Variants in ESR2 observed in about 807,000 individuals in gnomAD.
ESR2 encodes the protein estrogen receptor beta.
ESR2 carries 36 observed loss-of-function variants against 49.6 expected under a neutral mutation model. The observed-to-expected ratio is 0.73, with a 90% CI of 0.56 to 0.96. ESR2 has a LOEUF of 0.96. ESR2 is among the 40% of genes least tolerant of loss of function. The pLI is 0.00. For synonymous variants in ESR2, 320 were observed against 266.1 expected (o/e 1.20, Z -1.97); for missense variants, 714 against 693.0 (o/e 1.03, Z -0.34).
chr14:64,255,764 A>G (rs2076084990), intron 6 of ESR2, among the ~76,000 whole-genome samples: 2 of 152,218 alleles, frequency 1.3e-5, no homozygotes, highest in Admixed American at 1.3e-4. Flanking sequence ...TAGGTTAACT[A>G]TTTTGTTTGT....
chr14:64,227,009 C>T (rs567510489), downstream of ESR2: 2 of 153,742 alleles, frequency 1.3e-5, no homozygotes, highest in South Asian at 2.0e-4. Context: ...CTCTCCATGG[C>T]AAATGAACAG....
intron 1 of ESR2, among the ~76,000 whole-genome samples, chr14:64,317,930 T>G (rs188420618): frequency 2.2e-4 from 33 of 152,320 alleles, no homozygotes; most frequent in Admixed American, 5.9e-4. Flanking sequence ...ATGCTTTCCC[T>G]CTAAGATTGA....
chr14:64,324,443 T>A (rs1458980691), intron 1 of ESR2, among the ~76,000 whole-genome samples: 3 of 152,204 alleles, frequency 2.0e-5, no homozygotes, highest in East Asian at 3.8e-4. Context: ...GTTAAAGTTA[T>A]TAATATTAGA....
chr14:64,273,382 A>G (rs2076488511), intron 3 of ESR2, among the ~76,000 whole-genome samples: 1 of 152,088 alleles, frequency 6.6e-6, no homozygotes, highest in Non-Finnish European at 1.5e-5. Flanking sequence ...CATCCTCGTC[A>G]TGTTCCATAT....
chr14:64,296,435 A>T (rs984752423), upstream of ESR2, among the ~76,000 whole-genome samples: 4 of 152,236 alleles, frequency 2.6e-5, no homozygotes, highest in African/African-American at 4.8e-5. Context: ...TTCTTATTTT[A>T]TACGCAAGCC....
At chr14:64,243,092 G>A (rs1455463399) in intron 7 of ESR2, among the ~76,000 whole-genome samples, 3 of 152,184 alleles carry the variant, frequency 2.0e-5, no homozygotes, top group East Asian at 3.9e-4. Flanking sequence ...TGGGAATTAT[G>A]GGCACTACAA....
chr14:64,242,776 G>A (rs189899477), intron 7 of ESR2, among the ~76,000 whole-genome samples: 119 of 152,282 alleles, frequency 7.8e-4, no homozygotes, highest in Non-Finnish European at 1.5e-3. Flanking sequence ...GTAAGAGTAT[G>A]TGTAAACTTG....
chr14:64,305,977 G>A (rs557492312), intron 1 of ESR2, among the ~76,000 whole-genome samples: 6 of 152,002 alleles, frequency 3.9e-5, no homozygotes, highest in South Asian at 4.2e-4. Context: ...TTGGGAGGCC[G>A]AGGCAGGCGG....
chr14:64,286,763 G>A (rs2076790758), intron 1 of ESR2, among the ~76,000 whole-genome samples: 1 of 151,954 alleles, frequency 6.6e-6, no homozygotes, highest in South Asian at 2.1e-4. Context: ...ACCCAGGCTG[G>A]AGAGTGCAGT....
intron 1 of ESR2, chr14:64,330,949 A>G (rs2140906617): frequency 6.6e-6 from 1 of 151,760 alleles, no homozygotes; most frequent in East Asian, 1.9e-4. Context: ...AAAATCAACA[A>G]TAACAAAAAA....
intron 6 of ESR2, among the ~76,000 whole-genome samples, chr14:64,256,225 G>C (rs1369317733): frequency 1.3e-5 from 2 of 152,136 alleles, no homozygotes; most frequent in Non-Finnish European, 2.9e-5. Context: ...TAAAAAGCTT[G>C]AGTATTTTTA....
intron 1 of ESR2, among the ~76,000 whole-genome samples, chr14:64,316,960 C>A (rs1255538243): frequency 6.6e-6 from 1 of 152,038 alleles, no homozygotes. Context: ...GCCATTCTTT[C>A]ATTGCTATAA....
rs1387737634 is a variant in ESR2 at position 64,228,451 on chromosome 14, TCA to T, written c.*4684_*4685del. ...GGAAAGCAGGTCTCAAAATCTGCTT[TCA>T]CAGAGCAGCAAACATTCATTTCTAC... On this transcript the variant is annotated 3_prime_UTR_variant, in exon 9 of 9. Coordinates refer to ENST00000341099, the MANE Select transcript of ESR2 (RefSeq NM_001437.3). Among the ~76,000 whole-genome samples, 1 of 152,184 alleles carries T rather than the reference TCA, an allele frequency of 6.6e-6. No individual in the cohort carries two copies. Among genetic ancestry groups the T allele is most frequent in the African/African-American group, 2.4e-5 (1 of 41,440 alleles).
At chr14:64,295,847 C>A (rs2076949035), upstream of ESR2, among the ~76,000 whole-genome samples, 1 of 152,154 alleles carries the variant, frequency 6.6e-6, no homozygotes, top group East Asian at 1.9e-4. Context: ...AGTTTGAGAC[C>A]AGCCTGACCA....
intron 3 of ESR2, among the ~76,000 whole-genome samples, chr14:64,271,850 C>A (rs1196160321): frequency 6.6e-6 from 1 of 152,312 alleles, no homozygotes; most frequent in African/African-American, 2.4e-5. Flanking sequence ...TTGTGAACAG[C>A]GCTGCAACAA....
intron 6 of ESR2, among the ~76,000 whole-genome samples, chr14:64,253,677 CTCTG>C (rs2076039700): frequency 6.6e-6 from 1 of 151,402 alleles, no homozygotes; most frequent in Admixed American, 6.6e-5. Context: ...CATGGTTTAC[CTCTG>C]TGTGTATGGC....
chr14:64,334,849 G>T (rs1297191257), intron 1 of ESR2, among the ~76,000 whole-genome samples: 3 of 152,180 alleles, frequency 2.0e-5, no homozygotes, highest in African/African-American at 7.2e-5. Context: ...GTTTCACCAT[G>T]TTGGCCAAGC....
At chr14:64,279,742 G>C (rs182159316) in intron 3 of ESR2, among the ~76,000 whole-genome samples, 1 of 152,308 alleles carries the variant, frequency 6.6e-6, no homozygotes, top group Admixed American at 6.5e-5. Context: ...ACCCATGTGG[G>C]TGAACGAGGG....
At chr14:64,271,012 TATTACA>T (rs1211380492) in intron 3 of ESR2, among the ~76,000 whole-genome samples, 1 of 152,248 alleles carries the variant, frequency 6.6e-6, no homozygotes, top group Non-Finnish European at 1.5e-5. Context: ...CCTTTTCTTC[TATTACA>T]CTTATATTAT....
Sources: allele counts gnomAD v4.1 joint callset (sites outside exome capture counted in the v4.1 genomes callset), GRCh38; gene constraint gnomAD v4.1.1; transcripts MANE v1.5; gene names NCBI Gene and HGNC (gene_info 2026-07-23, HGNC 2026-07-21).